Variants in NUP210 observed in about 807,000 individuals in gnomAD.
The protein encoded by NUP210 is nucleoporin 210.
In NUP210, 151 loss-of-function variants were observed where a neutral mutation model predicts 196.0. The observed-to-expected ratio is 0.77, with a 90% CI of 0.67 to 0.88. The LOEUF is 0.88. Among genes scored for constraint, NUP210 ranks in the 40% least tolerant of loss-of-function variants. NUP210 has a pLI of 0.00. For missense variants in NUP210, 2,314 were observed against 2,493.7 expected, an observed-to-expected ratio of 0.93 and a Z score of 1.53; for synonymous variants, 1,070 against 1,052.7, an observed-to-expected ratio of 1.02 and a Z score of -0.32.
intron 11 of NUP210, among the ~76,000 whole-genome samples, chr3:13,374,784 A>G (rs1043406874): frequency 2.0e-5 from 3 of 151,988 alleles, no homozygotes; most frequent in Non-Finnish European, 4.4e-5. Context: ...AGAGGAAACA[A>G]CCCCAAAACC....
intron 31 of NUP210, among the ~76,000 whole-genome samples, chr3:13,327,739 A>G (rs1224108161): frequency 6.6e-6 from 1 of 152,144 alleles, no homozygotes; most frequent in Non-Finnish European, 1.5e-5. Flanking sequence ...GGGGAAAGAG[A>G]TCCAGAGTGC....
chr3:13,343,321 A>AGGGGGGG lies in NUP210; in HGVS notation c.2836-19_2836-18insCCCCCCC. 4.8e-6 allele frequency: 1 copy of AGGGGGGG among 209,506 alleles called. No individual in the cohort carries two copies. The highest frequency in any genetic ancestry group is 8.8e-6 in the Non-Finnish European group (1 of 113,932). 13.0% of individuals were successfully genotyped at this position (209,506 alleles called of 1,614,324 possible). A position where few individuals can be genotyped will look rare whatever the true frequency, so the allele number is the denominator to read the frequency against. ...GGGTGCACCTGCAAGGTTGGGGCGG[A>AGGGGGGG]GGTGGAGGGGTGGGTGGTGGGTTAC... On this transcript the variant is annotated intron_variant, in intron 20 of 39. Coordinates refer to ENST00000254508, the MANE Select transcript of NUP210 (RefSeq NM_024923.4).
At chr3:13,324,963 A>T (rs558794287) in intron 33 of NUP210, among the ~76,000 whole-genome samples, 7 of 152,294 alleles carry the variant, frequency 4.6e-5, no homozygotes, top group African/African-American at 1.7e-4. Flanking sequence ...ACATAGCGAG[A>T]CTCAATGATT....
chr3:13,387,929 C>G (rs940253546), intron 5 of NUP210, among the ~76,000 whole-genome samples: 5 of 152,184 alleles, frequency 3.3e-5, no homozygotes, highest in Non-Finnish European at 7.4e-5. Flanking sequence ...AGAAGACACC[C>G]AGGAGCCCCA....
chr3:13,343,342 G>GGGGGGGGGGGGGGGGGGGGGGGGGGC, intron 20 of NUP210, 39 bp from the exon 21 acceptor site: 4 of 655,986 alleles, frequency 6.1e-6, no homozygotes, highest in Admixed American at 2.5e-5. Flanking sequence ...TGGGTGGTGG[G>GGGGGGGGGGGGGGGGGGGGGGGGGGC]TTACGCAGCT....
rs147616116 is a variant in NUP210 at position 13,390,240 on chromosome 3, C to T, written c.533+971G>A. Among the ~76,000 whole-genome samples the T allele has an allele frequency of 1.7e-3, 262 of 152,262 alleles. 1 individual carries two copies. Among genetic ancestry groups the T allele is most frequent in the African/African-American group, 6.0e-3 (248 of 41,546 alleles). On this transcript the variant is annotated intron_variant, in intron 4 of 39. Coordinates refer to ENST00000254508, the MANE Select transcript of NUP210 (RefSeq NM_024923.4). ...GGTGACGGGACATGAGGCTGGCAGC[C>T]GGCTCTCAGGTGAATGAGGGAGACC...
At chr3:13,396,230 A>T (rs910302925) in intron 3 of NUP210, among the ~76,000 whole-genome samples, 4 of 152,230 alleles carry the variant, frequency 2.6e-5, no homozygotes, top group Admixed American at 2.6e-4. Context: ...ATGCACTGAC[A>T]GCCCTCATCA....
intron 35 of NUP210, 114 bp downstream of exon 35, chr3:13,322,079 A>G: frequency 7.5e-7 from 1 of 1,341,464 alleles, no homozygotes; most frequent in Non-Finnish European, 1.0e-6. Context: ...GCTCCTGACA[A>G]TCTCTGCCCT....
chr3:13,335,411 C>G, intron 28 of NUP210, 43 bp downstream of exon 28: 412 of 1,513,934 alleles, frequency 2.7e-4, no homozygotes, highest in Non-Finnish European at 3.5e-4. Flanking sequence ...GCAGCTGGCA[C>G]TTCCTCTCCC....
chr3:13,339,052 G>C (rs752660574), intron 25 of NUP210, among the ~76,000 whole-genome samples: 9 of 152,156 alleles, frequency 5.9e-5, no homozygotes, highest in Non-Finnish European at 1.0e-4. Flanking sequence ...AAGCCCATCT[G>C]AACCCTACCC....
chr3:13,390,050 C>A (rs1389808113), intron 4 of NUP210, among the ~76,000 whole-genome samples: 1 of 152,128 alleles, frequency 6.6e-6, no homozygotes, highest in Non-Finnish European at 1.5e-5. Context: ...TGACTTGGGG[C>A]TGGGATCCTT....
intron 37 of NUP210, 73 bp from the exon 38 acceptor site, chr3:13,319,398 C>G: frequency 7.9e-7 from 1 of 1,264,630 alleles, no homozygotes. Context: ...TCCTGCCCTA[C>G]TGTACGTCTA....
At chr3:13,412,247 T>TTTTA (rs1553605356) in intron 1 of NUP210, among the ~76,000 whole-genome samples, 2 of 135,646 alleles carry the variant, frequency 1.5e-5, no homozygotes, top group African/African-American at 3.3e-5. Context: ...TTTTTTTTTT[T>TTTTA]AGTAGAGACA....
chr3:13,402,539 A>G (rs1042593505), intron 1 of NUP210, among the ~76,000 whole-genome samples: 3 of 152,102 alleles, frequency 2.0e-5, no homozygotes, highest in African/African-American at 4.8e-5. Context: ...AAACTCCCCA[A>G]GCTCTTCCCT....
At chr3:13,344,635 T>C (rs1697649212) in intron 20 of NUP210, among the ~76,000 whole-genome samples, 1 of 152,220 alleles carries the variant, frequency 6.6e-6, no homozygotes, top group Non-Finnish European at 1.5e-5. Flanking sequence ...CCTCAACAGC[T>C]GCCCAGTGCT....
rs1201963572 is a variant in NUP210 at position 13,324,884 on chromosome 3, C to T, written c.4644+911G>A. On this transcript the variant is annotated intron_variant, in intron 33 of 39. Coordinates refer to ENST00000254508, the MANE Select transcript of NUP210 (RefSeq NM_024923.4). ...TATGAGCTGAGCACCACCCTAGGGG[C>T]TTCTGACGTGCTAACTCACTAAATC... Among the ~76,000 whole-genome samples, 6 of 152,238 alleles carry T rather than the reference C, an allele frequency of 3.9e-5. No individual in the cohort carries two copies. The East Asian group carries it at 1.2e-3, about 29-fold the overall frequency.
At chr3:13,411,799 G>A (rs1700182221) in intron 1 of NUP210, among the ~76,000 whole-genome samples, 2 of 152,218 alleles carry the variant, frequency 1.3e-5, no homozygotes, top group Admixed American at 1.3e-4. Context: ...GGAGTGCAGT[G>A]ATGCAATCTC....
At chr3:13,362,663 G>A (rs1318875601) in intron 14 of NUP210, among the ~76,000 whole-genome samples, 2 of 152,216 alleles carry the variant, frequency 1.3e-5, no homozygotes, top group Non-Finnish European at 2.9e-5. Context: ...ATCCCTCCCT[G>A]CACATGTGTG....
chr3:13,328,638 C>G lies in NUP210; in HGVS notation c.4286+133G>C. ...TCGTGGCCCTGCATGGTGCAGCATG[C>G]CCACATCTCTTGGAAACTGAAGTAA... On this transcript the variant is annotated intron_variant, in intron 31 of 39. Transcript: ENST00000254508. The G allele has an allele frequency of 9.4e-6, 8 of 852,016 alleles. No homozygotes were observed. The South Asian group carries it at 1.3e-4, about 14-fold the overall frequency. 52.8% of individuals were successfully genotyped at this position (852,016 alleles called of 1,614,324 possible). A position where few individuals can be genotyped will look rare whatever the true frequency, so the allele number is the denominator to read the frequency against.
Sources: gnomAD v4.1 joint callset for allele counts (sites outside exome capture counted in the v4.1 genomes callset) on GRCh38, gnomAD v4.1.1 for gene constraint, MANE v1.5 for transcripts, NCBI Gene and HGNC (gene_info 2026-07-23, HGNC 2026-07-21) for gene names.